Variants in PTPRH observed in about 807,000 individuals in gnomAD.
PTPRH encodes protein tyrosine phosphatase receptor type H.
A neutral mutation model predicts 130.2 loss-of-function variants in PTPRH; 113 were observed. The observed-to-expected ratio is 0.87, with a 90% confidence interval of 0.75 to 1.01. The LOEUF (loss-of-function observed/expected upper bound fraction) is 1.01. Among genes scored for constraint, PTPRH ranks in the 50% least tolerant of loss-of-function variants. The probability of loss-of-function intolerance (pLI) is 0.00; values close to 1 mark genes in which losing one functional copy is unlikely to be tolerated. For missense variants in PTPRH, 1,430 were observed against 1,425.0 expected, an observed-to-expected ratio of 1.00 and a Z score of -0.06; for synonymous variants, 556 against 577.9, an observed-to-expected ratio of 0.96 and a Z score of 0.54.
intron 12 of PTPRH, among the ~76,000 whole-genome samples, chr19:55,190,476 A>G (rs571467768): frequency 7.5e-6 from 1 of 133,118 alleles, no homozygotes; most frequent in Non-Finnish European, 1.5e-5. Flanking sequence ...AAATTTATAT[A>G]TTATATATTA....
At chr19:55,203,149 A>C (rs2086922103) in intron 5 of PTPRH, among the ~76,000 whole-genome samples, 1 of 151,340 alleles carries the variant, frequency 6.6e-6, no homozygotes, top group Non-Finnish European at 1.5e-5. Flanking sequence ...TAACACGGTG[A>C]AACCCGTCTC....
chr19:55,191,426 C>T, intron 12 of PTPRH, 75 bp downstream of exon 12: 1 of 1,544,394 alleles, frequency 6.5e-7, no homozygotes, highest in Admixed American at 1.7e-5. Context: ...CACCCTCTGA[C>T]CTAGCTGGCA....
At chr19:55,191,878 T>A in intron 10 of PTPRH, 137 bp from the exon 11 acceptor site, 1 of 798,162 alleles carries the variant, frequency 1.3e-6, no homozygotes, top group Non-Finnish European at 2.2e-6. Flanking sequence ...ACGGTGTGAA[T>A]TGCGTCGGTC....
At position 55,206,648 on chromosome 19, in the gene PTPRH, C is replaced by T. The variant is rs777509070; in HGVS notation, c.352+41G>A. 5.7e-5 allele frequency: 87 copies of T among 1,536,152 alleles called. No homozygotes were observed. In the Middle Eastern group the frequency reaches 3.4e-3, roughly 59 times the overall value. ...CTCTCAACCACCCCCTACCACTGTC[C>T]TTATAAAAGAAATAAAAATAAAGCA... On this transcript the variant is annotated intron_variant, in intron 3 of 19. Coordinates refer to ENST00000376350, the MANE Select transcript of PTPRH (RefSeq NM_002842.5).
chr19:55,207,527 A>T (rs2087108519), intron 1 of PTPRH, among the ~76,000 whole-genome samples: 1 of 152,166 alleles, frequency 6.6e-6, no homozygotes, highest in Non-Finnish European at 1.5e-5. Flanking sequence ...GGAAGGGAGA[A>T]AAAAACCAAG....
chr19:55,184,459 G>A (rs577192753), intron 18 of PTPRH, among the ~76,000 whole-genome samples: 8 of 152,142 alleles, frequency 5.3e-5, no homozygotes, highest in South Asian at 4.2e-4. Flanking sequence ...AATAGTTACC[G>A]TTAGGTGAAA....
Position 55,186,372 on chromosome 19 carries a change from G to A in PTPRH, c.2644-13C>T, listed in dbSNP as rs181157531. ...GGCTCCAGAGACCCTGGTTGAGGAA[G>A]GCAGGCGGGTCAGGGGGGCCTTTAG... On this transcript the variant is annotated splice_polypyrimidine_tract_variant and intron_variant, in intron 15 of 19. Coordinates refer to ENST00000376350, the MANE Select transcript of PTPRH (RefSeq NM_002842.5). 21 of 1,611,382 alleles carry A rather than the reference G, an allele frequency of 1.3e-5. No individual in the cohort carries two copies. In the Admixed American group the frequency reaches 3.3e-4, roughly 26 times the overall value.
Position 55,196,904 on chromosome 19 carries a change from C to A in PTPRH, c.1991-116G>T, listed in dbSNP as rs1263240766. On this transcript the variant is annotated intron_variant, in intron 9 of 19. Transcript: ENST00000376350. ...TCCCTTCCTCGCCAAATCCAAACTACCTCATCTTCCCTCCTTTTCTGTCCT... is the reference window on the plus strand; with the variant it reads ...TCCCTTCCTCGCCAAATCCAAACTAACTCATCTTCCCTCCTTTTCTGTCCT... 3.8e-6 allele frequency: 5 copies of A among 1,304,944 alleles called. No individual in the cohort carries two copies. The African/African-American group carries it at 7.4e-5, about 19-fold the overall frequency. 80.8% of individuals were successfully genotyped at this position (1,304,944 alleles called of 1,614,324 possible).
chr19:55,201,964 A>T, intron 6 of PTPRH, 92 bp downstream of exon 6: 1 of 1,557,506 alleles, frequency 6.4e-7, no homozygotes, highest in South Asian at 1.2e-5. Flanking sequence ...AATATGGCCC[A>T]GAGGGACTAT....
At position 55,205,443 on chromosome 19, in the gene PTPRH, T is replaced by C; in HGVS notation, c.502A>G (p.Thr168Ala). 1 of 1,614,170 alleles carries C rather than the reference T, an allele frequency of 6.2e-7. No homozygotes were observed. The change falls in exon 4 of 20, where the codon ACA becomes GCA. Residue 168 changes from threonine (T) to alanine (A), a missense_variant. Thr to Ala is a moderately conservative substitution (Grantham distance 58). Coordinates refer to ENST00000376350, the MANE Select transcript of PTPRH (RefSeq NM_002842.5). The part of the protein sequence containing the change: ...GDGGRAGTRS[T>A]AHTNITVDGL... Reference sequence around the variant, plus strand: ...TCCACGGTGATGTTAGTGTGTGCTGTGCTTCGAGTCCCTGCTCTGCCACCA... The same window carrying C: ...TCCACGGTGATGTTAGTGTGTGCTGCGCTTCGAGTCCCTGCTCTGCCACCA...
In PTPRH at chr19:55,196,657, C is replaced by T; in HGVS notation, c.2122G>A (p.Asp708Asn). The T allele has an allele frequency of 1.2e-6, 2 of 1,614,082 alleles. No individual in the cohort carries two copies. The highest frequency in any genetic ancestry group is 1.7e-6 in the Non-Finnish European group (2 of 1,180,014). ...ACAGCCTCCCCACATGAAGATCTGT[C>T]CTGGGAGCCCCGCTGTCCTCCCACC... The part of the protein sequence containing the change: ...LEVGGQRGSQ[D>N]RSSCGEAVSV... Residue 708 changes from aspartate to asparagine, a missense_variant, in exon 10 of 20, where the codon GAC becomes AAC. Transcript: ENST00000376350.
In PTPRH at chr19:55,207,087, C is replaced by A; in HGVS notation, c.85+79G>T. 5 of 1,591,334 alleles carry A rather than the reference C, an allele frequency of 3.1e-6. No homozygotes were observed. The South Asian group carries it at 3.4e-5, about 11-fold the overall frequency. ...CCCTACCATGGACCACTGGACCCCA[C>A]GGGGACCCCCCAGAGGCTCACGGCA... is the stretch of plus-strand genomic sequence containing the variant. On this transcript the variant is annotated intron_variant, in intron 2 of 19. Coordinates refer to ENST00000376350, the MANE Select transcript of PTPRH (RefSeq NM_002842.5).
In PTPRH at chr19:55,198,673, C is replaced by A. The variant is rs772180291; in HGVS notation, c.1660G>T (p.Gly554Cys). 1.2e-6 allele frequency: 2 copies of A among 1,612,950 alleles called. No homozygotes were observed. Among genetic ancestry groups the A allele is most frequent in the African/African-American group, 2.7e-5 (2 of 74,902 alleles). The part of the protein sequence containing the change: ...TVWAERNEVR[G>C]YNSTLTAATA... The stretch of plus-strand genomic sequence containing the variant: ...GCTGCAGTGAGGGTGCTGTTATAGC[C>A]TCTGACCTCATTCCTCTCGGCCCAG... The change falls in exon 8 of 20, where the codon GGC becomes TGC. Residue 554 changes from glycine to cysteine, a missense_variant. Transcript: ENST00000376350.
intron 4 of PTPRH, 149 bp downstream of exon 4, chr19:55,205,177 A>C: frequency 7.9e-7 from 1 of 1,273,254 alleles, no homozygotes; most frequent in Non-Finnish European, 1.1e-6. Context: ...TTCCTTCTTC[A>C]TCTCCTGAGC....
rs770213055 is a variant in PTPRH, at chr19:55,181,790, G to T, written c.3312C>A (p.Asn1104Lys). ...ACTTGTGGGCCTGGATGGCGGCCAC[G>T]TTCTCGTAGATGAGGTTTTCGACAT... ...YEDVENLIYE[N>K]VAAIQAHKLE... The change falls in exon 20 of 20, where the codon AAC (asparagine) becomes AAA (lysine). Residue 1104 changes from asparagine to lysine, a missense_variant. Physicochemically the swap from Asn to Lys is moderately conservative, Grantham distance 94. Coordinates refer to ENST00000376350, the MANE Select transcript of PTPRH (RefSeq NM_002842.5). 1 of 1,614,178 alleles carries T rather than the reference G, an allele frequency of 6.2e-7. No individual in the cohort carries two copies. The highest frequency in any genetic ancestry group is 1.7e-5 in the Admixed American group (1 of 60,012).
At chr19:55,189,903 A>G (rs917580052) in intron 12 of PTPRH, 4 of 365,464 alleles carry the variant, frequency 1.1e-5, no homozygotes, top group African/African-American at 8.5e-5. Context: ...CTGAGATGGG[A>G]GGGTCACTTG....
Position 55,185,673 on chromosome 19 carries a change from G to A in PTPRH, c.2902-11C>T, listed in dbSNP as rs931806126. ...CTTCTGCTCCTCCACCTGGAAGGAGGGAGCACTCACAGGCTCTGGAGATGA... is the reference window on the plus strand; with the variant it reads ...CTTCTGCTCCTCCACCTGGAAGGAGAGAGCACTCACAGGCTCTGGAGATGA... On this transcript the variant is annotated splice_polypyrimidine_tract_variant and intron_variant, in intron 17 of 19. Coordinates refer to ENST00000376350, the MANE Select transcript of PTPRH (RefSeq NM_002842.5). 1.9e-6 allele frequency: 3 copies of A among 1,613,446 alleles called. No individual in the cohort carries two copies. Among genetic ancestry groups the A allele is most frequent in the East Asian group, 4.5e-5 (2 of 44,866 alleles).
At chr19:55,196,495 C>A in intron 10 of PTPRH, 27 bp downstream of exon 10, 1 of 1,591,880 alleles carries the variant, frequency 6.3e-7, no homozygotes, top group South Asian at 1.1e-5. Context: ...TTCATCATAG[C>A]TGGCTGGCCC....
chr19:55,191,081 G>A (rs926046838), intron 12 of PTPRH, among the ~76,000 whole-genome samples: 1 of 152,012 alleles, frequency 6.6e-6, no homozygotes, highest in Non-Finnish European at 1.5e-5. Flanking sequence ...TGACCTTGTG[G>A]TCTGCCTGCC....
Sources: allele counts gnomAD v4.1 joint callset (sites outside exome capture counted in the v4.1 genomes callset), GRCh38; gene constraint gnomAD v4.1.1; transcripts MANE v1.5; gene names NCBI Gene and HGNC (gene_info 2026-07-23, HGNC 2026-07-21).